Variants in FRMD4A observed in about 807,000 individuals in gnomAD.
FRMD4A encodes the protein FERM domain containing 4A, also known as FERM domain-containing protein 4A.
Under a neutral mutation model 129.1 loss-of-function variants are expected in FRMD4A, and 29 were observed. The observed-to-expected ratio is 0.22, with a 90% CI of 0.17 to 0.31. The LOEUF is 0.31. Ranked by LOEUF, FRMD4A falls within the 10% of genes least tolerant of loss-of-function variation. The pLI is 1.00. For synonymous variants in FRMD4A, 634 were observed against 571.6 expected (o/e 1.11, Z -1.56); for missense variants, 1,272 against 1,375.8 (o/e 0.92, Z 1.19).
rs373999388 is a variant in FRMD4A, at chr10:14,169,886, G to C, written c.45+160172C>G. 2.0e-5 allele frequency among the ~76,000 whole-genome samples: 3 copies of C among 152,238 alleles called. No individual in the cohort carries two copies. The East Asian group carries it at 5.8e-4, about 29-fold the overall frequency. On this transcript the variant is annotated intron_variant, in intron 2 of 24. Transcript: ENST00000357447. The stretch of plus-strand genomic sequence containing the variant: ...GCAAGTAATTGTCAAGCCTTCCACA[G>C]TCATCCCACTCAGGCTAACCATTCC...
intron 2 of FRMD4A, among the ~76,000 whole-genome samples, chr10:14,123,744 C>G (rs1838668426): frequency 6.6e-6 from 1 of 152,194 alleles, no homozygotes; most frequent in South Asian, 2.1e-4. Context: ...CAGAACTGTT[C>G]TGGAGCTGAA....
At chr10:13,656,043 G>A (rs1343449911) in intron 22 of FRMD4A, 1 of 152,118 alleles carries the variant, frequency 6.6e-6, no homozygotes, top group African/African-American at 2.4e-5. Context: ...TAACGTCAAG[G>A]ATATTTAAGA....
rs140954537 is a variant in FRMD4A, at chr10:13,716,021, C to G, written c.760-8908G>C. On this transcript the variant is annotated intron_variant, in intron 12 of 24. Transcript: ENST00000357447. ...AGTTATGAATACTTTGAACACATAT[C>G]AGCACAAAGTACAGGTTTGTGTAAT... Among the ~76,000 whole-genome samples the G allele has an allele frequency of 4.9e-3, 738 of 152,018 alleles. 9 individuals are homozygous for G. Among genetic ancestry groups the G allele is most frequent in the African/African-American group, 0.017 (693 of 41,454 alleles).
At chr10:13,706,813 CAG>C (rs983184731) in intron 13 of FRMD4A, among the ~76,000 whole-genome samples, 7 of 150,754 alleles carry the variant, frequency 4.6e-5, no homozygotes, top group Non-Finnish European at 1.0e-4. Flanking sequence ...ATGAGACAGT[CAG>C]GGGATTGCTA....
rs71388139 is a variant in FRMD4A at position 13,955,112 on chromosome 10, CTTT to C, written c.46-96203_46-96201del. 7.6e-4 allele frequency among the ~76,000 whole-genome samples: 78 copies of C among 102,952 alleles called. 3 individuals carry two copies. The highest frequency in any genetic ancestry group is 2.8e-3 in the African/African-American group (72 of 25,886). The allele number at this position is 102,952 out of a possible 152,430, so 67.5% of individuals were successfully genotyped here. A position where few individuals can be genotyped will look rare whatever the true frequency, so the allele number is the denominator to read the frequency against. ...TTCCAACCCCATGTTAATAATTCTG[CTTT>C]TTTTTTTTTTGAGACGGAGTATCAC... On this transcript the variant is annotated intron_variant, in intron 2 of 24. Coordinates refer to ENST00000357447, the MANE Select transcript of FRMD4A (RefSeq NM_018027.5).
chr10:13,880,576 G>A (rs1444439783), intron 2 of FRMD4A, among the ~76,000 whole-genome samples: 3 of 152,072 alleles, frequency 2.0e-5, no homozygotes, highest in Admixed American at 2.0e-4. Context: ...AGCCTTAAAG[G>A]CCCATGTGAC....
At chr10:13,769,217 G>A (rs2092382448) in intron 6 of FRMD4A, among the ~76,000 whole-genome samples, 1 of 151,164 alleles carries the variant, frequency 6.6e-6, no homozygotes, top group African/African-American at 2.4e-5. Flanking sequence ...GGTTGTGTGT[G>A]TGTGTGTGTG....
At chr10:14,321,735 A>C (rs912443219) in intron 2 of FRMD4A, among the ~76,000 whole-genome samples, 2 of 152,206 alleles carry the variant, frequency 1.3e-5, no homozygotes, top group African/African-American at 4.8e-5. Flanking sequence ...AGAAACAGGA[A>C]GACCAGGTAA....
intron 2 of FRMD4A, among the ~76,000 whole-genome samples, chr10:14,263,900 A>G (rs1556160): frequency 0.28 from 42,712 of 152,038 alleles, 7,466 homozygotes; most frequent in African/African-American, 0.5. Context: ...GTAGATTGGA[A>G]CTGGGGAATA....
chr10:13,988,924 G>A (rs1389067310), intron 2 of FRMD4A, among the ~76,000 whole-genome samples: 2 of 152,176 alleles, frequency 1.3e-5, no homozygotes, highest in Non-Finnish European at 2.9e-5. Context: ...AACTACACGG[G>A]AACTTGGAGG....
intron 2 of FRMD4A, among the ~76,000 whole-genome samples, chr10:14,193,472 ACC>A (rs1491555321): frequency 0.027 from 2,321 of 85,248 alleles, 46 homozygotes; most frequent in Admixed American, 0.069. Context: ...CCACCCACCC[ACC>A]CACACACACA....
At chr10:14,315,276 A>G (rs1846696977) in intron 2 of FRMD4A, among the ~76,000 whole-genome samples, 1 of 152,166 alleles carries the variant, frequency 6.6e-6, no homozygotes, top group Admixed American at 6.5e-5. Flanking sequence ...CTTCACATAC[A>G]TACCTCTAAC....
At chr10:13,660,699 T>G in intron 19 of FRMD4A, 146 bp from the exon 20 acceptor site, 1 of 574,822 alleles carries the variant, frequency 1.7e-6, no homozygotes. Flanking sequence ...CCTGAAACTC[T>G]TCCCCAGTTG....
At chr10:13,822,011 G>A (rs1056517782) in intron 3 of FRMD4A, among the ~76,000 whole-genome samples, 1 of 152,072 alleles carries the variant, frequency 6.6e-6, no homozygotes, top group Non-Finnish European at 1.5e-5. Flanking sequence ...GTACATCAAG[G>A]AAAGGGGTAA....
chr10:14,314,685 A>G (rs1564458944), intron 2 of FRMD4A, among the ~76,000 whole-genome samples: 1 of 152,110 alleles, frequency 6.6e-6, no homozygotes, highest in Non-Finnish European at 1.5e-5. Flanking sequence ...TCATGTTGCA[A>G]TCTCTCTGAG....
chr10:14,036,876 G>T (rs79989016), intron 2 of FRMD4A, among the ~76,000 whole-genome samples: 4 of 152,068 alleles, frequency 2.6e-5, no homozygotes, highest in Non-Finnish European at 5.9e-5. Context: ...ATGCTCCACC[G>T]TGCCCAGTTG....
intron 2 of FRMD4A, among the ~76,000 whole-genome samples, chr10:14,006,584 G>A (rs571971697): frequency 3.3e-5 from 5 of 152,212 alleles, no homozygotes; most frequent in East Asian, 3.9e-4. Flanking sequence ...GTGTGTGTGC[G>A]CGTCTATAAA....
rs1468505024 is a variant in FRMD4A at position 13,904,994 on chromosome 10, A to AAG, written c.46-46083_46-46082insCT. ...GGCGACAGAGTGAGACTCTATCTCA[A>AAG]AAAAAAAAAAAAAAAAGAAAAGAAA... On this transcript the variant is annotated intron_variant, in intron 2 of 24. Coordinates refer to ENST00000357447, the MANE Select transcript of FRMD4A (RefSeq NM_018027.5). Among the ~76,000 whole-genome samples the AAG allele has an allele frequency of 2.3e-5, 3 of 129,488 alleles. 1 individual carries two copies. Among genetic ancestry groups the AAG allele is most frequent in the East Asian group, 2.3e-4 (1 of 4,444 alleles). The allele number at this position is 129,488 out of a possible 152,430, so 84.9% of individuals were successfully genotyped here.
At chr10:13,989,482 CCACGCCCAA>C (rs1283760818) in intron 2 of FRMD4A, among the ~76,000 whole-genome samples, 3 of 152,100 alleles carry the variant, frequency 2.0e-5, no homozygotes, top group African/African-American at 4.8e-5. Context: ...CAGCCTCCCA[CCACGCCCAA>C]CTAATTTTTG....
Sources: gnomAD v4.1 joint callset for allele counts (sites outside exome capture counted in the v4.1 genomes callset) on GRCh38, gnomAD v4.1.1 for gene constraint, MANE v1.5 for transcripts, NCBI Gene and HGNC (gene_info 2026-07-23, HGNC 2026-07-21) for gene names.